Variants in RFC5 observed in about 807,000 individuals in gnomAD.
RFC5 encodes the protein A1 36 kDa subunit.
A neutral mutation model predicts 44.3 loss-of-function variants in RFC5; 26 were observed. That is an observed-to-expected ratio of 0.59 (90% CI 0.43 to 0.81). The LOEUF (loss-of-function observed/expected upper bound fraction) is 0.81. RFC5 is among the 40% of genes least tolerant of loss of function. RFC5 has a pLI of 0.00. For synonymous variants in RFC5, 155 were observed against 155.2 expected, an observed-to-expected ratio of 1.00 and a Z score of 0.01; for missense variants, 328 against 418.6, an observed-to-expected ratio of 0.78 and a Z score of 1.89.
chr12:118,024,993 TGTC>T lies in RFC5; in HGVS notation c.567_569del (p.Val190del), dbSNP rs1445476308. The stretch of plus-strand genomic sequence containing the variant: ...AACTCATGGTTCCCCGCCTGGAACA[TGTC>T]GTGGAAGAAGAGAAGTGAGTATTTT... On this transcript the variant is annotated inframe_deletion, in exon 6 of 11. Transcript: ENST00000454402. The T allele has an allele frequency of 9.9e-6, 16 of 1,613,538 alleles. No homozygotes were observed. The highest frequency in any genetic ancestry group is 1.4e-5 in the Non-Finnish European group (16 of 1,179,834).
chr12:118,025,457 CCT>C (rs1382225641), intron 6 of RFC5: 1 of 388,170 alleles, frequency 2.6e-6, no homozygotes, highest in Non-Finnish European at 4.7e-6. Context: ...TTGTGCCAGG[CCT>C]CTGTCCTCCC....
At chr12:118,025,554 A>G in intron 6 of RFC5, 193 bp from the exon 7 acceptor site, 1 of 506,046 alleles carries the variant, frequency 2.0e-6, no homozygotes, top group South Asian at 3.3e-5. Flanking sequence ...GTTGGCTGTG[A>G]CTACTAATGT....
At chr12:118,028,716 G>C (rs2031127054) in intron 9 of RFC5, among the ~76,000 whole-genome samples, 2 of 151,416 alleles carry the variant, frequency 1.3e-5, no homozygotes, top group African/African-American at 2.4e-5. Context: ...GAGAAGATAT[G>C]TAAACCATGT....
chr12:118,025,792 C>T lies in RFC5; in HGVS notation c.627C>T (p.Ser209=). 6.2e-7 allele frequency: 1 copy of T among 1,608,760 alleles called. No individual in the cohort carries two copies. Among genetic ancestry groups the T allele is most frequent in the South Asian group, 1.1e-5 (1 of 90,892 alleles). ...GAATGAAAGCACTAGTCACTCTTTCCAGTGGAGACATGCGTAGGGCTCTGA... is the reference window on the plus strand; with the variant it reads ...GAATGAAAGCACTAGTCACTCTTTCTAGTGGAGACATGCGTAGGGCTCTGA... The part of the protein sequence containing the change: ...EDGMKALVTL[S]SGDMRRALNI... The change falls in exon 7 of 11, where the codon TCC becomes TCT. Residue 209 remains serine, a synonymous_variant. Coordinates refer to ENST00000454402, the MANE Select transcript of RFC5 (RefSeq NM_007370.7).
chr12:118,025,060 G>A, intron 6 of RFC5, 50 bp downstream of exon 6: 1 of 1,563,826 alleles, frequency 6.4e-7, no homozygotes, highest in Non-Finnish European at 8.7e-7. Flanking sequence ...AAACAGGCTT[G>A]TGGGATCACT....
Position 118,020,995 on chromosome 12 carries a change from AT to A in RFC5, c.347+13del. 6.4e-7 allele frequency: 1 copy of A among 1,559,834 alleles called. No individual in the cohort carries two copies. The highest frequency in any genetic ancestry group is 8.8e-7 in the Non-Finnish European group (1 of 1,132,144). ...CAAGGACAATATTTAAGTAAGAATT[AT>A]TTGTGTAATTTCGCTCCCTTGATTT... On this transcript the variant is annotated intron_variant, in intron 4 of 10. Transcript: ENST00000454402.
In RFC5 at chr12:118,016,759, C is replaced by A; in HGVS notation, c.-69C>A. 2 of 1,344,896 alleles carry A rather than the reference C, an allele frequency of 1.5e-6. No individual in the cohort carries two copies. Among genetic ancestry groups the A allele is most frequent in the South Asian group, 1.2e-5 (1 of 80,590 alleles). The allele number at this position is 1,344,896 out of a possible 1,614,324, so 83.3% of individuals were successfully genotyped here. ...CCAGGGTCTCAGGGTCAGGTCGCGG[C>A]TGGTCACTGTGCAGGCGCTTGGGTG... On this transcript the variant is annotated 5_prime_UTR_variant, in exon 1 of 11. It adds an upstream start codon to the 5' untranslated region. Coordinates refer to ENST00000454402, the MANE Select transcript of RFC5 (RefSeq NM_007370.7).
At chr12:118,025,131 A>G in intron 6 of RFC5, 121 bp downstream of exon 6, 1 of 839,400 alleles carries the variant, frequency 1.2e-6, no homozygotes, top group Non-Finnish European at 1.8e-6. Flanking sequence ...TGCCTAGCAC[A>G]GGGGAGGCAC....
chr12:118,036,317 T>C (rs748682648), downstream of RFC5: 12 of 1,605,114 alleles, frequency 7.5e-6, no homozygotes, highest in Non-Finnish European at 8.5e-6. Flanking sequence ...AAAAAAGTCA[T>C]AGCAGGGATT....
chr12:118,027,967 A>G lies in RFC5; in HGVS notation c.808A>G (p.Lys270Glu), dbSNP rs1418286502. Reference sequence around the variant, plus strand: ...TGCTCCTCTAGATATTACAGAGTTGAAAACTCTGAAGGGGTTGGCACTGCA... The same window carrying G: ...TGCTCCTCTAGATATTACAGAGTTGGAAACTCTGAAGGGGTTGGCACTGCA... The part of the protein sequence containing the change: ...TTAYRNITEL[K>E]TLKGLALHDI... The change falls in exon 9 of 11, where the codon AAA becomes GAA. Residue 270 changes from lysine to glutamate, a missense_variant. Physicochemically the swap from Lys to Glu is moderately conservative, Grantham distance 56. Transcript: ENST00000454402. 5.6e-6 allele frequency: 9 copies of G among 1,605,632 alleles called. No individual in the cohort carries two copies. Among genetic ancestry groups the G allele is most frequent in the Non-Finnish European group, 6.0e-6 (7 of 1,172,678 alleles).
intron 5 of RFC5, among the ~76,000 whole-genome samples, chr12:118,024,117 G>A (rs1039474714): frequency 3.9e-5 from 6 of 152,112 alleles, no homozygotes; most frequent in East Asian, 1.9e-4. Context: ...CAAGGCGGGC[G>A]AATCATGAGG....
rs915633666 is a variant in RFC5, at chr12:118,025,028, C to T, written c.581+18C>T. The T allele has an allele frequency of 1.4e-5, 22 of 1,609,716 alleles. No individual in the cohort carries two copies. The highest frequency in any genetic ancestry group is 1.8e-5 in the Non-Finnish European group (21 of 1,178,322). ...GAAGAGAAGTGAGTATTTTGCGGGC[C>T]TTTGGGGATGGAGTGTAGTAGAAAC... On this transcript the variant is annotated intron_variant, in intron 6 of 10. Transcript: ENST00000454402.
Position 118,016,816 on chromosome 12 carries a change from C to T in RFC5, c.-12C>T. ...CGATCTCAGCGGATCTGGTCACCTT[C>T]GTCTCCCCGCCATGGAGACCTCAGC... On this transcript the variant is annotated 5_prime_UTR_variant, in exon 1 of 11. Coordinates refer to ENST00000454402, the MANE Select transcript of RFC5 (RefSeq NM_007370.7). 6.2e-7 allele frequency: 1 copy of T among 1,608,552 alleles called. No homozygotes were observed. Among genetic ancestry groups the T allele is most frequent in the Non-Finnish European group, 8.5e-7 (1 of 1,177,326 alleles).
the RFC5 span, among the ~76,000 whole-genome samples, chr12:118,040,775 C>T: frequency 1.3e-5 from 2 of 151,800 alleles, no homozygotes; most frequent in Non-Finnish European, 2.9e-5. Context: ...AGGCCAGGCG[C>T]AGTGGCTCAC....
At chr12:118,018,991 G>A (rs1232255607) in intron 1 of RFC5, 81 bp from the exon 2 acceptor site, 1 of 1,089,796 alleles carries the variant, frequency 9.2e-7, no homozygotes. Flanking sequence ...GAGCCACTGT[G>A]CCTGACCTGC....
downstream of RFC5, chr12:118,037,988 C>T (rs539454513): frequency 1.2e-5 from 3 of 252,004 alleles, no homozygotes; most frequent in South Asian, 3.3e-4. Flanking sequence ...ATGTGGGCTG[C>T]AACTTTTAAA....
chr12:118,027,631 C>G (rs2031037757), intron 8 of RFC5, among the ~76,000 whole-genome samples: 1 of 150,312 alleles, frequency 6.7e-6, no homozygotes, highest in African/African-American at 2.5e-5. Context: ...GAGGTCATGC[C>G]ACTGTACTCT....
intron 8 of RFC5, 120 bp from the exon 9 acceptor site, chr12:118,027,833 A>T: frequency 1.5e-6 from 1 of 648,600 alleles, no homozygotes; most frequent in Non-Finnish European, 2.8e-6. Context: ...TGAAAGAGAA[A>T]CAGTTGTGTT....
chr12:118,040,518 T>C, the RFC5 span, among the ~76,000 whole-genome samples: 1 of 152,088 alleles, frequency 6.6e-6, no homozygotes, highest in African/African-American at 2.4e-5. Context: ...CCCAGCACTT[T>C]GGGAGGCCGA....
Sources: allele counts gnomAD v4.1 joint callset (sites outside exome capture counted in the v4.1 genomes callset), GRCh38; gene constraint gnomAD v4.1.1; transcripts MANE v1.5; gene names NCBI Gene and HGNC (gene_info 2026-07-23, HGNC 2026-07-21).